The following HSF4 variants were observed in gnomAD, a reference collection of about 807,000 sequenced individuals.
HSF4 encodes heat shock transcription factor 4.
HSF4 carries 41 observed loss-of-function variants against 52.0 expected under a neutral mutation model. The ratio of observed to expected loss-of-function variants is 0.79; its 90% CI spans 0.61 to 1.02. The LOEUF (loss-of-function observed/expected upper bound fraction) is 1.02, where lower values mean the gene tolerates loss of function less well. HSF4 is among the 50% of genes least tolerant of loss of function. The probability of loss-of-function intolerance (pLI) is 0.00; values close to 1 mark genes in which losing one functional copy is unlikely to be tolerated. For synonymous variants in HSF4, 285 were observed against 273.0 expected, an observed-to-expected ratio of 1.04 and a Z score of -0.43; for missense variants, 610 against 651.1, an observed-to-expected ratio of 0.94 and a Z score of 0.69.
At chr16:67,168,541 G>T (rs377457471) in intron 9 of HSF4, among the ~76,000 whole-genome samples, 11 of 151,062 alleles carry the variant, frequency 7.3e-5, no homozygotes, top group South Asian at 2.1e-4. Context: ...AAGAAAGAAA[G>T]AAATAAAGAA....
chr16:67,166,207 T>C, intron 4 of HSF4, 113 bp from the exon 5 acceptor site: 1 of 1,369,452 alleles, frequency 7.3e-7, no homozygotes, highest in East Asian at 2.5e-5. Flanking sequence ...GGGCGATCTC[T>C]GGGATGGCCA....
rs1468766199 is a variant in HSF4 at position 67,167,967 on chromosome 16, G to A, written c.1082+20G>A. 1 of 1,550,084 alleles carries A rather than the reference G, an allele frequency of 6.5e-7. No homozygotes were observed. Among genetic ancestry groups the A allele is most frequent in the South Asian group, 1.2e-5 (1 of 86,110 alleles). On this transcript the variant is annotated intron_variant, in intron 9 of 12. Transcript: ENST00000521374. ...TGACAGGTGAGCAGAGCCCCAGCTG[G>A]CCCATGAGCCCTGTGATAGAACAGC... is the stretch of plus-strand genomic sequence containing the variant.
At position 67,169,420 on chromosome 16, in the gene HSF4, G is replaced by A; in HGVS notation, c.1324+72G>A. 1 of 1,576,206 alleles carries A rather than the reference G, an allele frequency of 6.3e-7. No homozygotes were observed. Reference sequence around the variant, plus strand: ...TGAGCTACCTTGATTGAGTGAGGGGGCAATCTGCAATTTGCAGGGAAATCC... The same window carrying A: ...TGAGCTACCTTGATTGAGTGAGGGGACAATCTGCAATTTGCAGGGAAATCC... On this transcript the variant is annotated intron_variant, in intron 12 of 12. Transcript: ENST00000521374. The surrounding 1 kb of genome is among the most constrained non-coding windows in gnomAD (Gnocchi z 4.3).
At chr16:67,168,973 C>T in intron 10 of HSF4, 37 bp downstream of exon 10, 1 of 1,612,936 alleles carries the variant, frequency 6.2e-7, no homozygotes, top group Non-Finnish European at 8.5e-7. Context: ...GGCATGAGAC[C>T]TGGTGGGGTC....
chr16:67,165,701 C>G lies in HSF4; in HGVS notation c.233-18C>G. On this transcript the variant is annotated intron_variant, in intron 2 of 12. Coordinates refer to ENST00000521374, the MANE Select transcript of HSF4 (RefSeq NM_001374675.1). The surrounding 1 kb of genome is among the most constrained non-coding windows in gnomAD (Gnocchi z 6.9). Reference sequence around the variant, plus strand: ...GCCGGGGATGGGGCGACCCACGCCCCCACGCCCCACTCCCCAGACGGTTTT... The same window carrying G: ...GCCGGGGATGGGGCGACCCACGCCCGCACGCCCCACTCCCCAGACGGTTTT... 6.2e-7 allele frequency: 1 copy of G among 1,612,024 alleles called. No homozygotes were observed. Among genetic ancestry groups the G allele is most frequent in the South Asian group, 1.1e-5 (1 of 91,068 alleles).
chr16:67,165,051 A>T lies in HSF4; in HGVS notation c.123+117A>T. ...GGGCCGTGGATCCCCGGATTTGGCC[A>T]TTCAGAGAAGTTCACCTTGGAGGGG... On this transcript the variant is annotated intron_variant, in intron 1 of 12. Transcript: ENST00000521374. The surrounding 1 kb of genome is among the most constrained non-coding windows in gnomAD (Gnocchi z 6.9). 1 of 1,206,848 alleles carries T rather than the reference A, an allele frequency of 8.3e-7. No individual in the cohort carries two copies. The highest frequency in any genetic ancestry group is 1.1e-6 in the Non-Finnish European group (1 of 884,166). 74.8% of individuals were successfully genotyped at this position (1,206,848 alleles called of 1,614,324 possible).
rs1328322791 is a variant in HSF4, at chr16:67,166,340, G to A, written c.506G>A (p.Arg169Gln). ...CTCAGGCAGAACGAGATCTTGTGGC[G>A]GGAGGTGGTGACACTTCGGCAGAGC... ...ELRQQNEILW[R>Q]EVVTLRQSHG... is the part of the protein sequence containing the mutation. Residue 169 changes from arginine to glutamine, a missense_variant, in exon 5 of 13, where the codon CGG becomes CAG. Physicochemically the swap from Arg to Gln is conservative, Grantham distance 43 (BLOSUM62 1). Coordinates refer to ENST00000521374, the MANE Select transcript of HSF4 (RefSeq NM_001374675.1). 5 of 1,608,906 alleles carry A rather than the reference G, an allele frequency of 3.1e-6. No homozygotes were observed. Among genetic ancestry groups the A allele is most frequent in the East Asian group, 4.5e-5 (2 of 44,550 alleles).
In HSF4 at chr16:67,169,898, T is replaced by A; in HGVS notation, c.*113T>A. On this transcript the variant is annotated 3_prime_UTR_variant, in exon 13 of 13. Transcript: ENST00000521374. The surrounding 1 kb of genome is among the most constrained non-coding windows in gnomAD (Gnocchi z 4.3). ...AGCCCCCACTACTAAATGGCCTCTCTCCACTACCCCGACTATCCCTGCACA... is the reference window on the plus strand; with the variant it reads ...AGCCCCCACTACTAAATGGCCTCTCACCACTACCCCGACTATCCCTGCACA... 1 of 1,046,148 alleles carries A rather than the reference T, an allele frequency of 9.6e-7. No individual in the cohort carries two copies. Among genetic ancestry groups the A allele is most frequent in the South Asian group, 1.3e-5 (1 of 78,666 alleles). The allele number at this position is 1,046,148 out of a possible 1,614,324, so 64.8% of individuals were successfully genotyped here.
chr16:67,164,671 G>T, upstream of HSF4: 1 of 816,822 alleles, frequency 1.2e-6, no homozygotes, highest in South Asian at 1.8e-5. Flanking sequence ...GCCCCGCCCC[G>T]CGGGCTTGCA....
chr16:67,167,478 C>G lies in HSF4; in HGVS notation c.733C>G (p.Leu245Val), dbSNP rs971472784. 3 of 1,613,856 alleles carry G rather than the reference C, an allele frequency of 1.9e-6. No homozygotes were observed. Among genetic ancestry groups the G allele is most frequent in the Non-Finnish European group, 2.5e-6 (3 of 1,180,038 alleles). The change falls in exon 8 of 13, where the codon CTC becomes GTC. Residue 245 changes from leucine to valine, a missense_variant. By Grantham distance (32) the Leu-to-Val change is conservative (BLOSUM62 1). Transcript: ENST00000521374. ...GGGCCTAGCCTTCTACTTACAGCCT[C>G]TCCCAGAGACAAATTTGGGCCTTAG... ...LQDPYFIQSP[L>V]PETNLGLSPH...
chr16:67,166,623 G>GT lies in HSF4; in HGVS notation c.626+2dup, dbSNP rs1316034119. 2 of 1,613,618 alleles carry GT rather than the reference G, an allele frequency of 1.2e-6. No homozygotes were observed. Among genetic ancestry groups the GT allele is most frequent in the Non-Finnish European group, 1.7e-6 (2 of 1,179,904 alleles). ...GCAATGCAGGAGGCAAGAGAAAGCTGTGAGTGAGAAAGCCAAGAAGGCCCA... is the reference window on the plus strand; with the variant it reads ...GCAATGCAGGAGGCAAGAGAAAGCTGTTGAGTGAGAAAGCCAAGAAGGCCCA... On this transcript the variant is annotated splice_donor_variant, in intron 6 of 12. Transcript: ENST00000521374. LOFTEE classifies it high-confidence loss of function.
chr16:67,164,342 T>G, upstream of HSF4: 1 of 393,760 alleles, frequency 2.5e-6, no homozygotes, highest in Non-Finnish European at 5.1e-6. Flanking sequence ...AATGACTACG[T>G]CCCGGGGTTC....
upstream of HSF4, chr16:67,164,567 C>G: frequency 2.3e-6 from 1 of 442,212 alleles, no homozygotes; most frequent in South Asian, 1.6e-5. Flanking sequence ...CACCCCACCC[C>G]ACTCCACCCC....
chr16:67,166,676 C>G, intron 6 of HSF4, 54 bp downstream of exon 6: 1 of 1,531,490 alleles, frequency 6.5e-7, no homozygotes, highest in Non-Finnish European at 9.0e-7. Context: ...CCCCAGAAGT[C>G]CCCTTGCAAG....
chr16:67,164,958 C>T (rs1294225197), intron 1 of HSF4, 24 bp downstream of exon 1: 2 of 1,582,538 alleles, frequency 1.3e-6, no homozygotes, highest in Non-Finnish European at 8.6e-7. Context: ...CCCCTCGATT[C>T]CCCCTGTGGT....
intron 6 of HSF4, 131 bp downstream of exon 6, chr16:67,166,753 C>T: frequency 1.2e-6 from 1 of 848,220 alleles, no homozygotes; most frequent in South Asian, 1.4e-5. Flanking sequence ...TACAGGCTTC[C>T]TCACCCCATC....
rs1190782912 is a variant in HSF4, at chr16:67,164,766, C to T, written c.-46C>T. 1.9e-6 allele frequency: 3 copies of T among 1,558,758 alleles called. No homozygotes were observed. Among genetic ancestry groups the T allele is most frequent in the Non-Finnish European group, 2.6e-6 (3 of 1,162,244 alleles). ...CAGCACTTTCCGCGGCTTTGACGAG[C>T]CCGCAGCGGCCGGGCCCGAGCGCAG... On this transcript the variant is annotated 5_prime_UTR_variant, in exon 1 of 13. Coordinates refer to ENST00000521374, the MANE Select transcript of HSF4 (RefSeq NM_001374675.1).
At chr16:67,164,423 C>T (rs766999310), upstream of HSF4, 9 of 476,164 alleles carry the variant, frequency 1.9e-5, no homozygotes, top group South Asian at 1.4e-4. Flanking sequence ...CACTGTGCCT[C>T]TGGCCATTAC....
rs1284776340 is a variant in HSF4, at chr16:67,164,895, G to A, written c.84G>A (p.Val28=). The change falls in exon 1 of 13, where the codon GTG becomes GTA. Residue 28 remains valine (V), a synonymous_variant. Coordinates refer to ENST00000521374, the MANE Select transcript of HSF4 (RefSeq NM_001374675.1). ...TCCTCGGCAAGCTATGGGCGCTGGT[G>A]GGGGACCCAGGCACAGACCACCTGA... ...PAFLGKLWAL[V]GDPGTDHLIR... 3 of 1,607,956 alleles carry A rather than the reference G, an allele frequency of 1.9e-6. No individual in the cohort carries two copies. Among genetic ancestry groups the A allele is most frequent in the South Asian group, 2.2e-5 (2 of 90,528 alleles).
Sources: gnomAD v4.1 joint callset for allele counts (sites outside exome capture counted in the v4.1 genomes callset) on GRCh38, gnomAD v4.1.1 for gene constraint, Gnocchi (gnomAD v3.1) non-coding constraint, MANE v1.5 for transcripts, NCBI Gene and HGNC (gene_info 2026-07-23, HGNC 2026-07-21) for gene names.